The following CEP128 variants were observed in gnomAD, a reference collection of about 807,000 sequenced individuals.
CEP128 encodes the protein centrosomal protein 128.
A neutral mutation model predicts 156.7 loss-of-function variants in CEP128; 132 were observed. That is an observed-to-expected ratio of 0.84 (90% confidence interval 0.73 to 0.97). CEP128 has a LOEUF of 0.97. CEP128 is among the 50% of genes least tolerant of loss of function. CEP128 has a pLI of 0.00. For synonymous variants in CEP128, 469 were observed against 448.9 expected (o/e 1.04, Z -0.57); for missense variants, 1,252 against 1,281.9 (o/e 0.98, Z 0.36).
chr14:80,855,590 T>A (rs1165300184), intron 9 of CEP128, among the ~76,000 whole-genome samples: 1 of 151,920 alleles, frequency 6.6e-6, no homozygotes, highest in African/African-American at 2.4e-5. Flanking sequence ...GCATTGGTTA[T>A]GGAAACAAGA....
At chr14:80,854,195 A>G (rs966047957) in intron 9 of CEP128, among the ~76,000 whole-genome samples, 1 of 152,144 alleles carries the variant, frequency 6.6e-6, no homozygotes, top group Admixed American at 6.5e-5. Context: ...TATAACCACT[A>G]CTTCTGGTAA....
At chr14:80,926,456 G>A (rs989486652) in intron 2 of CEP128, among the ~76,000 whole-genome samples, 3 of 152,134 alleles carry the variant, frequency 2.0e-5, no homozygotes, top group African/African-American at 4.8e-5. Flanking sequence ...TTACCCCTGC[G>A]ACCAGGGAAC....
At chr14:80,687,798 G>GGGAA (rs1238455385) in intron 19 of CEP128, among the ~76,000 whole-genome samples, 7 of 152,120 alleles carry the variant, frequency 4.6e-5, no homozygotes, top group African/African-American at 1.7e-4. Flanking sequence ...CTCAAAATGA[G>GGGAA]ATCGCACTCA....
intron 19 of CEP128, among the ~76,000 whole-genome samples, chr14:80,606,978 T>C (rs1276628320): frequency 4.6e-5 from 7 of 151,660 alleles, no homozygotes; most frequent in South Asian, 2.1e-4. Flanking sequence ...CATATATACA[T>C]ATATATACAT....
At chr14:80,938,356 C>T (rs1417215240) in intron 2 of CEP128, among the ~76,000 whole-genome samples, 1 of 149,462 alleles carries the variant, frequency 6.7e-6, no homozygotes, top group Non-Finnish European at 1.5e-5. Flanking sequence ...ATGCCATTCT[C>T]CTGCCTCAGC....
At chr14:80,709,480 C>A (rs1366052408) in intron 19 of CEP128, among the ~76,000 whole-genome samples, 2 of 152,130 alleles carry the variant, frequency 1.3e-5, no homozygotes, top group Non-Finnish European at 2.9e-5. Context: ...TTAACCTTTT[C>A]ACTTCTCTTC....
intron 9 of CEP128, among the ~76,000 whole-genome samples, chr14:80,841,539 T>C (rs961536511): frequency 2.6e-5 from 4 of 152,056 alleles, no homozygotes; most frequent in African/African-American, 9.7e-5. Context: ...CATGCTTTTA[T>C]AGTGTTTAGT....
chr14:80,809,468 C>A (rs1470206899), intron 13 of CEP128, among the ~76,000 whole-genome samples: 3 of 152,132 alleles, frequency 2.0e-5, no homozygotes, highest in Non-Finnish European at 4.4e-5. Context: ...ATAAAAACTT[C>A]TCAAGTCTTG....
chr14:80,910,931 T>A (rs887145785), intron 4 of CEP128, among the ~76,000 whole-genome samples: 1 of 152,178 alleles, frequency 6.6e-6, no homozygotes, highest in African/African-American at 2.4e-5. Flanking sequence ...GAAACTGATA[T>A]ATAAATGAAC....
chr14:80,946,308 T>TTGATGCCTCATGACGCATCATGA (rs1886341611), upstream of CEP128, among the ~76,000 whole-genome samples: 1 of 127,556 alleles, frequency 7.8e-6, no homozygotes, highest in Admixed American at 7.6e-5. Flanking sequence ...TATTAATACC[T>TTGATGCCTCATGACGCATCATGA]TGATGCCTCA....
intron 9 of CEP128, among the ~76,000 whole-genome samples, chr14:80,860,503 A>G (rs1887462734): frequency 6.6e-6 from 1 of 152,146 alleles, no homozygotes; most frequent in Non-Finnish European, 1.5e-5. Flanking sequence ...AGAGAAGAAA[A>G]TAAGTACAGA....
chr14:80,744,753 C>T (rs538011710), intron 18 of CEP128, among the ~76,000 whole-genome samples: 21 of 152,136 alleles, frequency 1.4e-4, no homozygotes, highest in Non-Finnish European at 2.4e-4. Flanking sequence ...ATTTTTCAGC[C>T]TTGCAGCTCT....
At chr14:80,599,712 A>G (rs1438813060) in intron 19 of CEP128, among the ~76,000 whole-genome samples, 2 of 152,186 alleles carry the variant, frequency 1.3e-5, no homozygotes, top group Admixed American at 6.5e-5. Context: ...TAGAATTAAT[A>G]CTCAAACACC....
At chr14:80,508,864 T>C (rs1408134350) in intron 23 of CEP128, among the ~76,000 whole-genome samples, 9 of 152,198 alleles carry the variant, frequency 5.9e-5, no homozygotes. Flanking sequence ...CCTGTATTAA[T>C]CTGATTTCAC....
chr14:80,624,930 G>A (rs1205581471), intron 19 of CEP128, among the ~76,000 whole-genome samples: 3 of 151,982 alleles, frequency 2.0e-5, no homozygotes, highest in Admixed American at 6.6e-5. Flanking sequence ...GATATAGTCC[G>A]TTTTGTCTAT....
chr14:80,817,878 AAAAG>A (rs1376202908), intron 13 of CEP128, among the ~76,000 whole-genome samples: 1 of 152,086 alleles, frequency 6.6e-6, no homozygotes, highest in Non-Finnish European at 1.5e-5. Flanking sequence ...GAAAAAAAAA[AAAAG>A]AAAGAAAAAC....
chr14:80,912,849 C>T (rs937681677), intron 4 of CEP128, among the ~76,000 whole-genome samples: 1 of 152,000 alleles, frequency 6.6e-6, no homozygotes, highest in African/African-American at 2.4e-5. Flanking sequence ...ATGTATAAAA[C>T]AGTCATTATT....
intron 19 of CEP128, among the ~76,000 whole-genome samples, chr14:80,702,166 G>A (rs906528663): frequency 2.6e-4 from 39 of 152,104 alleles, no homozygotes; most frequent in African/African-American, 8.7e-4. Context: ...TAGAATGTAA[G>A]AAACACAGCT....
At chr14:80,933,211 G>A (rs1381753814) in intron 2 of CEP128, among the ~76,000 whole-genome samples, 3 of 152,092 alleles carry the variant, frequency 2.0e-5, no homozygotes, top group African/African-American at 7.2e-5. Flanking sequence ...GCCTTCCAGC[G>A]TCACTCCGCC....
Sources: allele counts gnomAD v4.1 joint callset (sites outside exome capture counted in the v4.1 genomes callset), GRCh38; gene constraint gnomAD v4.1.1; transcripts MANE v1.5; gene names NCBI Gene and HGNC (gene_info 2026-07-23, HGNC 2026-07-21).